The following TMEM63C variants were observed in gnomAD, a reference collection of about 807,000 sequenced individuals.
TMEM63C encodes osmosensitive cation channel TMEM63C.
In TMEM63C, 32 loss-of-function variants were observed where a neutral mutation model predicts 99.2. The ratio of observed to expected loss-of-function variants is 0.32; its 90% CI spans 0.24 to 0.43. TMEM63C has a LOEUF of 0.43. Ranked by LOEUF, TMEM63C falls within the 20% of genes least tolerant of loss-of-function variation. The pLI is 1.00. For missense variants in TMEM63C, 826 were observed against 1,053.0 expected (o/e 0.78, Z 2.98); for synonymous variants, 376 against 397.9 (o/e 0.94, Z 0.66).
At chr14:77,244,531 G>A in intron 16 of TMEM63C, 76 bp downstream of exon 16, 2 of 1,162,734 alleles carry the variant, frequency 1.7e-6, no homozygotes, top group Non-Finnish European at 2.6e-6. Flanking sequence ...CCGCCAGCCT[G>A]GCACTTGGGC....
At chr14:77,251,721 C>T (rs1348420135) in intron 21 of TMEM63C, 68 bp from the exon 22 acceptor site, 12 of 1,288,118 alleles carry the variant, frequency 9.3e-6, no homozygotes, top group African/African-American at 1.5e-5. Flanking sequence ...CGGTCCCTGG[C>T]ATCTGCCAGT....
intron 6 of TMEM63C, among the ~76,000 whole-genome samples, chr14:77,227,639 G>A (rs1888852722): frequency 1.3e-5 from 2 of 152,362 alleles, no homozygotes; most frequent in African/African-American, 4.8e-5. Context: ...CCTCATCGAG[G>A]CGGGAGGAAG....
At chr14:77,245,178 A>AT (rs1410343041) in intron 16 of TMEM63C, among the ~76,000 whole-genome samples, 2 of 152,170 alleles carry the variant, frequency 1.3e-5, no homozygotes, top group Admixed American at 6.6e-5. Flanking sequence ...AACTGCAGGG[A>AT]TTTTTAGTAT....
chr14:77,185,261 G>A (rs1887976943), intron 1 of TMEM63C, among the ~76,000 whole-genome samples: 1 of 152,184 alleles, frequency 6.6e-6, no homozygotes, highest in African/African-American at 2.4e-5. Context: ...GTCATGCCCA[G>A]CCCTGTGCCT....
chr14:77,253,253 G>A (rs1296314673), intron 22 of TMEM63C, 52 bp from the exon 23 acceptor site: 16 of 1,550,504 alleles, frequency 1.0e-5, no homozygotes, highest in African/African-American at 1.4e-5. Context: ...TGGATGAATG[G>A]GGAGGGGCAA....
chr14:77,214,799 G>T (rs1168712394), intron 2 of TMEM63C, among the ~76,000 whole-genome samples: 1 of 151,894 alleles, frequency 6.6e-6, no homozygotes, highest in Admixed American at 6.6e-5. Flanking sequence ...ACCACCGATA[G>T]CCGGAATCTC....
chr14:77,210,318 A>AC (rs1221788034), intron 1 of TMEM63C, among the ~76,000 whole-genome samples: 1 of 151,522 alleles, frequency 6.6e-6, no homozygotes, highest in Non-Finnish European at 1.5e-5. Context: ...GGAGCCAAAA[A>AC]CCCCCAGTTC....
At chr14:77,184,360 C>T (rs1417243160) in intron 1 of TMEM63C, among the ~76,000 whole-genome samples, 1 of 152,072 alleles carries the variant, frequency 6.6e-6, no homozygotes, top group African/African-American at 2.4e-5. Context: ...GGATGTTCAC[C>T]CCCGAAAATG....
chr14:77,218,718 C>G (rs1888636736), intron 2 of TMEM63C, 83 bp from the exon 3 acceptor site: 1 of 1,462,452 alleles, frequency 6.8e-7, no homozygotes, highest in Admixed American at 2.0e-5. Context: ...CGGTGCCCAT[C>G]CCACAACTCC....
intron 20 of TMEM63C, 143 bp downstream of exon 20, chr14:77,249,015 A>G (rs1298930019): frequency 1.1e-5 from 9 of 843,040 alleles, no homozygotes; most frequent in Admixed American, 7.5e-5. Context: ...AGCTGGGGGT[A>G]CAGGGCAGCT....
At chr14:77,251,063 T>C (rs574301537) in intron 21 of TMEM63C, among the ~76,000 whole-genome samples, 29 of 152,346 alleles carry the variant, frequency 1.9e-4, no homozygotes, top group South Asian at 6.2e-4. Context: ...CATTCAGTCC[T>C]GTACCCTGAG....
chr14:77,199,887 C>T (rs1292514907), intron 1 of TMEM63C, among the ~76,000 whole-genome samples: 1 of 152,044 alleles, frequency 6.6e-6, no homozygotes, highest in Non-Finnish European at 1.5e-5. Flanking sequence ...TGGAGGCGGG[C>T]AAGAAAGGAG....
intron 1 of TMEM63C, among the ~76,000 whole-genome samples, chr14:77,195,017 G>A (rs1212931087): frequency 1.3e-5 from 2 of 152,070 alleles, no homozygotes; most frequent in Non-Finnish European, 2.9e-5. Context: ...TATCTAGGAG[G>A]CGGAGGCGAG....
At chr14:77,189,701 G>A (rs1478118492) in intron 1 of TMEM63C, among the ~76,000 whole-genome samples, 1 of 152,210 alleles carries the variant, frequency 6.6e-6, no homozygotes, top group Non-Finnish European at 1.5e-5. Flanking sequence ...CTATGGAAAG[G>A]TGCTGACATC....
chr14:77,203,746 T>A (rs1454539291), intron 1 of TMEM63C, among the ~76,000 whole-genome samples: 1 of 152,246 alleles, frequency 6.6e-6, no homozygotes, highest in African/African-American at 2.4e-5. Flanking sequence ...AGTAATAAAT[T>A]GTCAACAGCT....
intron 2 of TMEM63C, among the ~76,000 whole-genome samples, 153 bp from the exon 3 acceptor site, chr14:77,218,648 C>T (rs966594878): frequency 1.2e-4 from 19 of 152,238 alleles, no homozygotes; most frequent in Non-Finnish European, 2.2e-4. Context: ...GGCTGTGTGC[C>T]GTCTCGTGGG....
Position 77,231,727 on chromosome 14 carries a change from C to A in TMEM63C, c.490C>A (p.Leu164Met). 1 of 1,551,648 alleles carries A rather than the reference C, an allele frequency of 6.4e-7. No individual in the cohort carries two copies. Among genetic ancestry groups the A allele is most frequent in the South Asian group, 1.2e-5 (1 of 84,056 alleles). The change falls in exon 7 of 24, where the codon CTG (leucine) becomes ATG (methionine). Residue 164 changes from leucine (L) to methionine (M), a missense_variant. By Grantham distance (15) the Leu-to-Met change is conservative. Transcript: ENST00000298351. ...ILPINYTGSV[L>M]DWSSHFARTT... ...GCCCATCAACTATACTGGATCTGTT[C>A]TGGGTAGGCAAAGCTCAGCTGGCCC...
At chr14:77,200,367 C>G (rs1468386027) in intron 1 of TMEM63C, among the ~76,000 whole-genome samples, 2 of 152,228 alleles carry the variant, frequency 1.3e-5, no homozygotes, top group Non-Finnish European at 2.9e-5. Flanking sequence ...AGCCCCTCGG[C>G]ACAGCCTCCC....
chr14:77,245,808 T>A, intron 16 of TMEM63C, 132 bp from the exon 17 acceptor site: 2 of 699,328 alleles, frequency 2.9e-6, no homozygotes, highest in South Asian at 1.6e-5. Flanking sequence ...TTATGAGAGC[T>A]ACAAGATGAG....
Sources: gnomAD v4.1 joint callset for allele counts (sites outside exome capture counted in the v4.1 genomes callset) on GRCh38, gnomAD v4.1.1 for gene constraint, MANE v1.5 for transcripts, NCBI Gene and HGNC (gene_info 2026-07-23, HGNC 2026-07-21) for gene names.